The following BRAF variants were observed in gnomAD, a reference collection of about 807,000 sequenced individuals.
BRAF encodes serine/threonine-protein kinase B-raf.
A neutral mutation model predicts 104.6 loss-of-function variants in BRAF; 16 were observed. The observed-to-expected ratio is 0.15, with a 90% CI of 0.10 to 0.23. The LOEUF (loss-of-function observed/expected upper bound fraction) is 0.23, where lower values mean the gene tolerates loss of function less well. BRAF is among the 10% of genes least tolerant of loss of function. BRAF has a pLI of 1.00. For missense variants in BRAF, 541 were observed against 937.3 expected (o/e 0.58, Z 5.52); for synonymous variants, 310 against 341.6 (o/e 0.91, Z 1.02).
chr7:140,889,812 T>C (rs375817483), intron 1 of BRAF, among the ~76,000 whole-genome samples: 13 of 152,184 alleles, frequency 8.5e-5, no homozygotes, highest in African/African-American at 3.1e-4. Context: ...CTGTGGTTAA[T>C]AATCTCATGA....
At chr7:140,795,104 C>T (rs2129038584) in intron 7 of BRAF, among the ~76,000 whole-genome samples, 1 of 152,216 alleles carries the variant, frequency 6.6e-6, no homozygotes, top group East Asian at 1.9e-4. Context: ...ACCACTAAAG[C>T]AAATATTTTT....
rs1282413099 is a variant in BRAF, at chr7:140,745,901, TGAAGAGGTCCTTGAAGACCTGC to T, written c.2112+3364_2112+3385del. ...GCAACCACGCTGTGAGAAAGACCAA[TGAAGAGGTCCTTGAAGACCTGC>T]GAAGAGGTCCACAAGGAAAAGCTCA... On this transcript the variant is annotated intron_variant, in intron 17 of 19. Transcript: ENST00000644969. Among the ~76,000 whole-genome samples the T allele has an allele frequency of 5.3e-5, 8 of 152,174 alleles. No individual in the cohort carries two copies. The East Asian group carries it at 9.6e-4, about 18-fold the overall frequency.
rs578170334 is a variant in BRAF, at chr7:140,809,440, GA to G, written c.505-446del. Among the ~76,000 whole-genome samples, 544 of 152,216 alleles carry G rather than the reference GA, an allele frequency of 3.6e-3. 3 individuals are homozygous for G. The highest frequency in any genetic ancestry group is 0.012 in the African/African-American group (512 of 41,532). On this transcript the variant is annotated intron_variant, in intron 3 of 19. Transcript: ENST00000644969. ...TTACTGGCCCTAAACATAGCGGGAA[GA>G]AAAAAACCTGTCTTAACATGTATAC... is the stretch of plus-strand genomic sequence containing the variant.
At chr7:140,771,104 C>T (rs1369037524) in intron 14 of BRAF, among the ~76,000 whole-genome samples, 1 of 152,118 alleles carries the variant, frequency 6.6e-6, no homozygotes, top group African/African-American at 2.4e-5. Context: ...TATAACCACA[C>T]AGGAAAAATG....
rs957651227 is a variant in BRAF, at chr7:140,724,685, C to T, written c.*1809G>A. Reference sequence around the variant, plus strand: ...AGTGGCTGCAATATAGACAGCAGGGCCTGGAGTTACAATCTGAAATTTTTA... The same window carrying T: ...AGTGGCTGCAATATAGACAGCAGGGTCTGGAGTTACAATCTGAAATTTTTA... On this transcript the variant is annotated 3_prime_UTR_variant, in exon 20 of 20. Coordinates refer to ENST00000644969, the MANE Select transcript of BRAF (RefSeq NM_001374258.1). 1 of 1,033,082 alleles carries T rather than the reference C, an allele frequency of 9.7e-7. No homozygotes were observed. 64.0% of individuals were successfully genotyped at this position (1,033,082 alleles called of 1,614,324 possible).
Position 140,834,825 on chromosome 7 carries a change from T to C in BRAF, c.288A>G (p.Glu96=), listed in dbSNP as rs373545899. ...TSKLDALQQR[E]QQLLESLGNG... ...TCCCCAGAGATTCCAATAACTGTTG[T>C]TCTCTTTGTTGGAGTGCATCTAGCT... The change falls in exon 3 of 20, where the codon GAA becomes GAG. Residue 96 remains glutamate (E), a synonymous_variant. Coordinates refer to ENST00000644969, the MANE Select transcript of BRAF (RefSeq NM_001374258.1). The C allele has an allele frequency of 1.5e-5, 24 of 1,614,152 alleles. 1 individual carries two copies. The South Asian group carries it at 2.5e-4, about 17-fold the overall frequency.
At chr7:140,880,962 CA>C (rs1812835967) in intron 1 of BRAF, among the ~76,000 whole-genome samples, 1 of 151,888 alleles carries the variant, frequency 6.6e-6, no homozygotes, top group African/African-American at 2.4e-5. Context: ...TGTCTCAAAA[CA>C]AAAAAAGCAC....
chr7:140,748,452 C>A (rs1009554185), intron 17 of BRAF, among the ~76,000 whole-genome samples: 3 of 152,110 alleles, frequency 2.0e-5, no homozygotes, highest in African/African-American at 7.2e-5. Context: ...GCTCCAGTTT[C>A]TCCATTTTTA....
chr7:140,804,160 C>G (rs1803414323), intron 5 of BRAF, among the ~76,000 whole-genome samples: 1 of 152,044 alleles, frequency 6.6e-6, no homozygotes, highest in Admixed American at 6.5e-5. Flanking sequence ...GTGTTACAGA[C>G]ATGAGCCACC....
At chr7:140,795,037 C>A (rs1458105574) in intron 7 of BRAF, among the ~76,000 whole-genome samples, 1 of 152,050 alleles carries the variant, frequency 6.6e-6, no homozygotes, top group Non-Finnish European at 1.5e-5. Flanking sequence ...CTCTCATATT[C>A]TGGATTTTTT....
chr7:140,818,150 C>T lies in BRAF; in HGVS notation c.505-9155G>A, dbSNP rs567847847. Among the ~76,000 whole-genome samples, 23 of 151,990 alleles carry T rather than the reference C, an allele frequency of 1.5e-4. 1 individual carries two copies. Among genetic ancestry groups the T allele is most frequent in the South Asian group, 1.5e-3 (7 of 4,812 alleles). ...CTGTCTTTTTGGGGACAAGATGGGACGATGGGTGTCCAGCAGAGGAATGGG... is the reference window on the plus strand; with the variant it reads ...CTGTCTTTTTGGGGACAAGATGGGATGATGGGTGTCCAGCAGAGGAATGGG... On this transcript the variant is annotated intron_variant, in intron 3 of 19. Transcript: ENST00000644969.
In BRAF at chr7:140,785,749, G is replaced by A. The variant is rs2129029489; in HGVS notation, c.1237C>T (p.Leu413Phe). ...RKYQSRTPSP[L>F]LHSVPSEIVF... ...ATTTCACTGGGGACAGAATGTAGGA[G>A]GGGACTGGGAGTCCGGGATTGGTAT... The change falls in exon 10 of 20, where the codon CTC becomes TTC. Residue 413 changes from leucine (L) to phenylalanine (F), a missense_variant. This residue lies in a region of BRAF where 109 missense variants were observed against 143.9 expected (regional missense o/e 0.76). Transcript: ENST00000644969. 1 of 399,068 alleles carries A rather than the reference G, an allele frequency of 2.5e-6. No individual in the cohort carries two copies. The highest frequency in any genetic ancestry group is 4.4e-5 in the Admixed American group (1 of 22,740). The allele number at this position is 399,068 out of a possible 1,614,324, so 24.7% of individuals were successfully genotyped here.
intron 14 of BRAF, among the ~76,000 whole-genome samples, chr7:140,766,372 T>C (rs1178907183): frequency 6.6e-6 from 1 of 152,010 alleles, no homozygotes; most frequent in Non-Finnish European, 1.5e-5. Flanking sequence ...CACACAAGCA[T>C]GGCACATGTA....
At chr7:140,738,069 A>G (rs1041688350) in intron 18 of BRAF, among the ~76,000 whole-genome samples, 3 of 152,242 alleles carry the variant, frequency 2.0e-5, no homozygotes, top group African/African-American at 7.2e-5. Flanking sequence ...GAAGCTGCTC[A>G]GCAGCACTTG....
At chr7:140,827,905 T>C (rs1267611) in intron 3 of BRAF, among the ~76,000 whole-genome samples, 15,065 of 151,710 alleles carry the variant, frequency 0.099, 830 homozygotes, top group South Asian at 0.19. Flanking sequence ...TATTTATTTA[T>C]TTTTTTTTGA....
At chr7:140,854,183 T>C (rs958206239) in intron 1 of BRAF, among the ~76,000 whole-genome samples, 29 of 152,300 alleles carry the variant, frequency 1.9e-4, no homozygotes, top group African/African-American at 6.3e-4. Context: ...TTGTCCAGGA[T>C]GGATCTTTCC....
chr7:140,794,565 T>G, intron 7 of BRAF, 98 bp from the exon 8 acceptor site: 1 of 1,391,072 alleles, frequency 7.2e-7, no homozygotes, highest in Non-Finnish European at 1.0e-6. Flanking sequence ...TGTTTTTATA[T>G]TCTCAAAATC....
intron 2 of BRAF, among the ~76,000 whole-genome samples, chr7:140,845,411 C>A (rs1808438458): frequency 6.6e-6 from 1 of 152,074 alleles, no homozygotes; most frequent in South Asian, 2.1e-4. Context: ...GGAACCCACA[C>A]AATGGGAAAA....
chr7:140,739,094 AG>A (rs2130893772), intron 18 of BRAF, among the ~76,000 whole-genome samples: 1 of 152,320 alleles, frequency 6.6e-6, no homozygotes, highest in African/African-American at 2.4e-5. Context: ...CCAGTATTAA[AG>A]GAAAGCTTGA....
Sources: gnomAD v4.1 joint callset for allele counts (sites outside exome capture counted in the v4.1 genomes callset) on GRCh38, gnomAD v4.1.1 for gene constraint, gnomAD v4.1.1 regional missense constraint, MANE v1.5 for transcripts, NCBI Gene and HGNC (gene_info 2026-07-23, HGNC 2026-07-21) for gene names.